The following USP10 variants were observed in gnomAD, a reference collection of about 807,000 sequenced individuals.
USP10 encodes the protein ubiquitin carboxyl-terminal hydrolase 10.
A neutral mutation model predicts 84.5 loss-of-function variants in USP10; 22 were observed. That is an observed-to-expected ratio of 0.26 (90% confidence interval 0.19 to 0.37). The LOEUF is 0.37. USP10 is among the 10% of genes least tolerant of loss of function. USP10 has a pLI of 1.00. For missense variants in USP10, 1,019 were observed against 998.9 expected, an observed-to-expected ratio of 1.02 and a Z score of -0.27; for synonymous variants, 454 against 387.6, an observed-to-expected ratio of 1.17 and a Z score of -2.01.
At chr16:84,709,491 A>G (rs973592053) in intron 1 of USP10, among the ~76,000 whole-genome samples, 3 of 152,118 alleles carry the variant, frequency 2.0e-5, no homozygotes, top group East Asian at 1.9e-4. Context: ...GGGTGGTACA[A>G]CATTTGACCA....
intron 1 of USP10, among the ~76,000 whole-genome samples, chr16:84,729,903 T>A (rs767973597): frequency 2.6e-5 from 4 of 152,234 alleles, no homozygotes; most frequent in African/African-American, 4.8e-5. Context: ...TGTATTTTTT[T>A]GCGTGACATG....
chr16:84,705,549 C>G (rs989601426), intron 1 of USP10, among the ~76,000 whole-genome samples: 2 of 151,674 alleles, frequency 1.3e-5, no homozygotes, highest in Non-Finnish European at 2.9e-5. Context: ...GCCTTTTGAA[C>G]CTGATTTTTA....
intron 1 of USP10, among the ~76,000 whole-genome samples, chr16:84,714,996 T>G (rs1906827181): frequency 6.6e-6 from 1 of 151,548 alleles, no homozygotes; most frequent in Non-Finnish European, 1.5e-5. Context: ...GTTCGCAGTC[T>G]CGGCTCACTG....
chr16:84,776,717 G>T (rs757201923), intron 13 of USP10, among the ~76,000 whole-genome samples: 1 of 152,196 alleles, frequency 6.6e-6, no homozygotes, highest in African/African-American at 2.4e-5. Flanking sequence ...CAGGGCCCCA[G>T]TGTGAGCACA....
chr16:84,705,087 C>T (rs548532128), intron 1 of USP10, among the ~76,000 whole-genome samples: 1 of 152,190 alleles, frequency 6.6e-6, no homozygotes, highest in Non-Finnish European at 1.5e-5. Context: ...CGGATCCATT[C>T]TCAGTTTATT....
intron 11 of USP10, among the ~76,000 whole-genome samples, chr16:84,771,068 A>AG: frequency 6.6e-6 from 1 of 152,106 alleles, no homozygotes; most frequent in Non-Finnish European, 1.5e-5. Flanking sequence ...AAAAAAAAAA[A>AG]AAGTGTTATC....
chr16:84,773,785 C>G (rs759575330), intron 12 of USP10, among the ~76,000 whole-genome samples: 2 of 152,140 alleles, frequency 1.3e-5, no homozygotes, highest in African/African-American at 4.8e-5. Flanking sequence ...CCTGGAATGC[C>G]GGCTAAGTCA....
chr16:84,740,579 G>A (rs547407515), intron 3 of USP10, among the ~76,000 whole-genome samples: 13 of 152,382 alleles, frequency 8.5e-5, no homozygotes, highest in African/African-American at 2.9e-4. Flanking sequence ...TGCCAGCCAT[G>A]TAAGATTTAG....
chr16:84,741,782 G>T (rs1011293533), intron 3 of USP10, among the ~76,000 whole-genome samples: 3 of 152,096 alleles, frequency 2.0e-5, no homozygotes, highest in Non-Finnish European at 2.9e-5. Flanking sequence ...CATGACATTA[G>T]TTTCTCTTCC....
At chr16:84,709,178 CTAATCAGA>C (rs1905945100) in intron 1 of USP10, 1 of 152,204 alleles carries the variant, frequency 6.6e-6, no homozygotes, top group Non-Finnish European at 1.5e-5. Flanking sequence ...AGACAGCTTG[CTAATCAGA>C]TAATCACAGT....
chr16:84,767,020 G>C (rs1913941148), intron 10 of USP10, among the ~76,000 whole-genome samples: 1 of 152,096 alleles, frequency 6.6e-6, no homozygotes, highest in Non-Finnish European at 1.5e-5. Flanking sequence ...TTCTCCACCA[G>C]CTCTCATGAG....
rs10699847 is a variant in USP10 at position 84,720,576 on chromosome 16, ATT to A, written c.22-12837_22-12836del. On this transcript the variant is annotated intron_variant, in intron 1 of 13. Coordinates refer to ENST00000219473, the MANE Select transcript of USP10 (RefSeq NM_005153.3). ...ATGCAGAATAAAAAGATGATGCCCA[ATT>A]TTTTTTTTTTTTTTTTTTTTTGAGA... Among the ~76,000 whole-genome samples, 329 of 88,334 alleles carry A rather than the reference ATT, an allele frequency of 3.7e-3. 2 individuals are homozygous for A. Among genetic ancestry groups the A allele is most frequent in the African/African-American group, 0.014 (296 of 21,236 alleles). 58.0% of individuals were successfully genotyped at this position (88,334 alleles called of 152,430 possible).
At chr16:84,707,543 G>C (rs8045120) in intron 1 of USP10, among the ~76,000 whole-genome samples, 1 of 151,890 alleles carries the variant, frequency 6.6e-6, no homozygotes, top group Admixed American at 6.6e-5. Flanking sequence ...TTGTTGTTCC[G>C]TTGTTTCATA....
intron 1 of USP10, among the ~76,000 whole-genome samples, chr16:84,720,936 C>T (rs1033951913): frequency 6.7e-6 from 1 of 149,430 alleles, no homozygotes; most frequent in East Asian, 2.0e-4. Flanking sequence ...CTCTTTTGCC[C>T]AGGCTGGAGT....
chr16:84,705,956 A>C (rs900877781), intron 1 of USP10, among the ~76,000 whole-genome samples: 5 of 151,712 alleles, frequency 3.3e-5, no homozygotes, highest in South Asian at 2.1e-4. Flanking sequence ...TCCTCACCTC[A>C]GGTGATCCAC....
At chr16:84,738,393 A>C (rs1910203080) in intron 2 of USP10, among the ~76,000 whole-genome samples, 1 of 152,224 alleles carries the variant, frequency 6.6e-6, no homozygotes, top group South Asian at 2.1e-4. Flanking sequence ...TGTCATTAAC[A>C]GAAAAAGAGG....
chr16:84,769,505 C>T (rs1914203342), intron 11 of USP10, among the ~76,000 whole-genome samples: 1 of 152,062 alleles, frequency 6.6e-6, no homozygotes, highest in Admixed American at 6.6e-5. Flanking sequence ...AAGAGTCTGG[C>T]GGTGGACCTC....
rs770547951 is a variant in USP10, at chr16:84,733,480, G to T, written c.67G>T (p.Val23Leu). The change falls in exon 2 of 14, where the codon GTG (valine) becomes TTG (leucine). Residue 23 changes from valine (V) to leucine (L), a missense_variant. Val to Leu is a conservative substitution (Grantham distance 32). Coordinates refer to ENST00000219473, the MANE Select transcript of USP10 (RefSeq NM_005153.3). ...CCCTGATGAATTCAATCAATTCTTT[G>T]TGACTCCTCGATCTTCAGTTGAGGT... Reference protein sequence around the residue: ...FSPDEFNQFFVTPRSSVELPP... With the variant: ...FSPDEFNQFFLTPRSSVELPP... 1 of 1,609,276 alleles carries T rather than the reference G, an allele frequency of 6.2e-7. No homozygotes were observed. Among genetic ancestry groups the T allele is most frequent in the East Asian group, 2.2e-5 (1 of 44,678 alleles).
At position 84,768,329 on chromosome 16, in the gene USP10, C is replaced by G; in HGVS notation, c.1969C>G (p.Gln657Glu). Residue 657 changes from glutamine to glutamate, a missense_variant, in exon 11 of 14, where the codon CAA (glutamine) becomes GAA (glutamate). Physicochemically the swap from Gln to Glu is conservative, Grantham distance 29. Around this residue, in one of 2 missense-constraint regions of USP10, gnomAD observed 232 missense variants for 290.1 expected, o/e 0.80. Transcript: ENST00000219473. ...LESLVARESVQGYTTKTKQEV... is the reference protein window; with the variant it reads ...LESLVARESVEGYTTKTKQEV... Reference sequence around the variant, plus strand: ...GAGCTTGGTGGCAAGAGAATCTGTCCAAGGTTATACCACAAAAACCAAACA... The same window carrying G: ...GAGCTTGGTGGCAAGAGAATCTGTCGAAGGTTATACCACAAAAACCAAACA... The G allele has an allele frequency of 6.2e-7, 1 of 1,608,496 alleles. No homozygotes were observed. Among genetic ancestry groups the G allele is most frequent in the Non-Finnish European group, 8.5e-7 (1 of 1,177,146 alleles).
Sources: gnomAD v4.1 joint callset for allele counts (sites outside exome capture counted in the v4.1 genomes callset) on GRCh38, gnomAD v4.1.1 for gene constraint, gnomAD v4.1.1 regional missense constraint, MANE v1.5 for transcripts, NCBI Gene and HGNC (gene_info 2026-07-23, HGNC 2026-07-21) for gene names.